The following CUX2 variants were observed in gnomAD, a reference collection of about 807,000 sequenced individuals.
CUX2 encodes the protein cut like homeobox 2, also known as homeobox protein cut-like 2.
CUX2 carries 40 observed loss-of-function variants against 144.8 expected under a neutral mutation model. The ratio of observed to expected loss-of-function variants is 0.28; its 90% CI spans 0.21 to 0.36. The LOEUF (loss-of-function observed/expected upper bound fraction) is 0.36, where lower values mean the gene tolerates loss of function less well. Ranked by LOEUF, CUX2 falls within the 10% of genes least tolerant of loss-of-function variation. The probability of loss-of-function intolerance (pLI) is 1.00; values close to 1 mark genes in which losing one functional copy is unlikely to be tolerated. For synonymous variants in CUX2, 827 were observed against 875.6 expected (o/e 0.94, Z 0.98); for missense variants, 1,615 against 1,994.0 (o/e 0.81, Z 3.62).
At chr12:111,041,740 G>A (rs891984638) in intron 1 of CUX2, among the ~76,000 whole-genome samples, 1 of 152,218 alleles carries the variant, frequency 6.6e-6, no homozygotes, top group African/African-American at 2.4e-5. Context: ...CCAGGGCCCT[G>A]TGCCAGGGGT....
rs1884255887 is a variant in CUX2 at position 111,263,904 on chromosome 12, C to T, written c.301+65C>T. ...CAATAAATAGCCATTAGGACTGTGACACAGGGACTTTGAGGTGGGATGTGG... is the reference window on the plus strand; with the variant it reads ...CAATAAATAGCCATTAGGACTGTGATACAGGGACTTTGAGGTGGGATGTGG... On this transcript the variant is annotated intron_variant, in intron 4 of 21. Coordinates refer to ENST00000261726, the MANE Select transcript of CUX2 (RefSeq NM_015267.4). The surrounding 1 kb of genome is among the most constrained non-coding windows in gnomAD (Gnocchi z 4.0). The T allele has an allele frequency of 9.6e-6, 14 of 1,460,562 alleles. No homozygotes were observed. The highest frequency in any genetic ancestry group is 1.3e-5 in the Non-Finnish European group (14 of 1,040,812). The allele number at this position is 1,460,562 out of a possible 1,614,324, so 90.5% of individuals were successfully genotyped here.
intron 1 of CUX2, among the ~76,000 whole-genome samples, chr12:111,143,153 C>T (rs1876443296): frequency 6.6e-6 from 1 of 152,164 alleles, no homozygotes; most frequent in Non-Finnish European, 1.5e-5. Flanking sequence ...TGAATTTGCT[C>T]CTGGCTTCGG....
Position 111,312,251 on chromosome 12 carries a change from G to T in CUX2, c.2002+50G>T. 2 of 1,490,672 alleles carry T rather than the reference G, an allele frequency of 1.3e-6. No individual in the cohort carries two copies. Among genetic ancestry groups the T allele is most frequent in the South Asian group, 2.4e-5 (2 of 83,888 alleles). 92.3% of individuals were successfully genotyped at this position (1,490,672 alleles called of 1,614,324 possible). On this transcript the variant is annotated intron_variant, in intron 16 of 21. Coordinates refer to ENST00000261726, the MANE Select transcript of CUX2 (RefSeq NM_015267.4). This position sits in a 1 kb window ranked among gnomAD's most constrained non-coding sequence, Gnocchi z 4.3. ...GCCTGAGGCCCCCGGGGCCAGCTGC[G>T]AACAGGAGATGAGGCTTCGTCTACC...
intron 20 of CUX2, chr12:111,339,394 C>T (rs376478395): frequency 9.8e-4 from 149 of 152,320 alleles, no homozygotes; most frequent in African/African-American, 3.5e-3. Flanking sequence ...TTTTGTAGAT[C>T]AGCCCTTGGC....
intron 1 of CUX2, among the ~76,000 whole-genome samples, chr12:111,073,346 A>G (rs539110325): frequency 2.0e-5 from 3 of 152,074 alleles, no homozygotes; most frequent in Non-Finnish European, 2.9e-5. Context: ...GTTTGTTGTC[A>G]TTGCTGTGTA....
rs564115641 is a variant in CUX2, at chr12:111,180,568, A to G, written c.64-33632A>G. On this transcript the variant is annotated intron_variant, in intron 1 of 21. Coordinates refer to ENST00000261726, the MANE Select transcript of CUX2 (RefSeq NM_015267.4). ...AAAGTAAAAGGAAAGGTTAGGGGAC[A>G]CACAGTTTGGAAAACGCTGGCTTTG... Among the ~76,000 whole-genome samples the G allele has an allele frequency of 4.6e-5, 7 of 152,346 alleles. No homozygotes were observed. In the South Asian group the frequency reaches 1.4e-3, roughly 32 times the overall value.
intron 3 of CUX2, among the ~76,000 whole-genome samples, chr12:111,228,454 C>T (rs965385515): frequency 2.0e-5 from 3 of 152,050 alleles, no homozygotes; most frequent in East Asian, 1.9e-4. Flanking sequence ...GACAGAGTCC[C>T]GCTCTGTCTC....
At chr12:111,088,302 G>A (rs778768225) in intron 1 of CUX2, among the ~76,000 whole-genome samples, 1 of 152,130 alleles carries the variant, frequency 6.6e-6, no homozygotes, top group South Asian at 2.1e-4. Flanking sequence ...ATCTCCCTGT[G>A]TTCTTTTCCA....
At chr12:111,089,201 C>G (rs1181885006) in intron 1 of CUX2, among the ~76,000 whole-genome samples, 2 of 152,212 alleles carry the variant, frequency 1.3e-5, no homozygotes, top group African/African-American at 4.8e-5. Flanking sequence ...ATCTTCTGCC[C>G]TGTGACAGTG....
chr12:111,152,762 C>T (rs951649225), intron 1 of CUX2, among the ~76,000 whole-genome samples: 2 of 152,166 alleles, frequency 1.3e-5, no homozygotes, highest in South Asian at 4.1e-4. Context: ...TGCGGTGCTG[C>T]GGGAGCCTTG....
intron 4 of CUX2, among the ~76,000 whole-genome samples, chr12:111,269,809 C>A (rs1197281433): frequency 6.6e-6 from 1 of 152,038 alleles, no homozygotes; most frequent in Non-Finnish European, 1.5e-5. Context: ...TCCCCAAAGC[C>A]CGGGAGCAGG....
rs1310885997 is a variant in CUX2, at chr12:111,338,449, G to A, written c.3360G>A (p.Arg1120=). 1.2e-6 allele frequency: 2 copies of A among 1,613,340 alleles called. No individual in the cohort carries two copies. The highest frequency in any genetic ancestry group is 2.7e-5 in the African/African-American group (2 of 74,914). Residue 1120 remains arginine, a synonymous_variant, in exon 20 of 22, where the codon AGG becomes AGA. Transcript: ENST00000261726. ...ACCCCCATAACGTGGAGAAGCTGAG[G>A]GATATGAAGAAGCTGGAGAAGAAAG... The part of the protein sequence containing the change: ...LNDPHNVEKL[R]DMKKLEKKAY...
At position 111,227,355 on chromosome 12, in the gene CUX2, C is replaced by T. The variant is rs546450629; in HGVS notation, c.222+9418C>T. ...GCCTGGAGCTGGGTTCAAATCGCAG[C>T]TCGTTGCCCATTGCCAGGTTCTTCA... On this transcript the variant is annotated intron_variant, in intron 3 of 21. Transcript: ENST00000261726. 1.3e-3 allele frequency among the ~76,000 whole-genome samples: 193 copies of T among 152,268 alleles called. 1 individual carries two copies. The highest frequency in any genetic ancestry group is 4.5e-3 in the African/African-American group (185 of 41,550).
At chr12:111,076,451 A>G (rs926094366) in intron 1 of CUX2, among the ~76,000 whole-genome samples, 2 of 152,098 alleles carry the variant, frequency 1.3e-5, no homozygotes, top group Non-Finnish European at 2.9e-5. Context: ...AGGCTGGGAG[A>G]CTCACTTGCC....
chr12:111,169,312 G>A (rs577947602), intron 1 of CUX2, among the ~76,000 whole-genome samples: 16 of 152,038 alleles, frequency 1.1e-4, no homozygotes, highest in African/African-American at 3.4e-4. Context: ...CAGAGTGAGC[G>A]CAGCCCTGCC....
chr12:111,240,487 A>G (rs1455441659), intron 3 of CUX2, among the ~76,000 whole-genome samples: 1 of 152,216 alleles, frequency 6.6e-6, no homozygotes, highest in Non-Finnish European at 1.5e-5. Flanking sequence ...TTCTAAATAC[A>G]AACTCCCGAG....
chr12:111,103,344 C>T (rs1418485747), intron 1 of CUX2, among the ~76,000 whole-genome samples: 1 of 152,156 alleles, frequency 6.6e-6, no homozygotes, highest in Non-Finnish European at 1.5e-5. Flanking sequence ...GGGAACATAC[C>T]TTGGAGTCAG....
At chr12:111,229,019 G>A (rs1882325127) in intron 3 of CUX2, among the ~76,000 whole-genome samples, 1 of 152,198 alleles carries the variant, frequency 6.6e-6, no homozygotes, top group Admixed American at 6.5e-5. Flanking sequence ...GTGAAGATCA[G>A]ATGAGGTAAT....
Position 111,320,355 on chromosome 12 carries a change from C to T in CUX2, c.2346C>T (p.Ala782=), listed in dbSNP as rs1022026994. The change falls in exon 17 of 22, where the codon GCC becomes GCT. Residue 782 remains alanine, a synonymous_variant. Coordinates refer to ENST00000261726, the MANE Select transcript of CUX2 (RefSeq NM_015267.4). The surrounding 1 kb of genome is among the most constrained non-coding windows in gnomAD (Gnocchi z 8.1). The part of the protein sequence containing the change: ...IRKVKSEIGD[A]GYFDHHWASD... ...AGGTCAAGTCCGAGATCGGCGACGC[C>T]GGCTACTTCGACCACCACTGGGCCT... The T allele has an allele frequency of 6.3e-7, 1 of 1,598,162 alleles. No individual in the cohort carries two copies.
Sources: gnomAD v4.1 joint callset for allele counts (sites outside exome capture counted in the v4.1 genomes callset) on GRCh38, gnomAD v4.1.1 for gene constraint, Gnocchi (gnomAD v3.1) non-coding constraint, MANE v1.5 for transcripts, NCBI Gene and HGNC (gene_info 2026-07-23, HGNC 2026-07-21) for gene names.